The following IGF1R variants were observed in gnomAD, a reference collection of about 807,000 sequenced individuals.
The protein encoded by IGF1R is insulin like growth factor 1 receptor.
A neutral mutation model predicts 144.6 loss-of-function variants in IGF1R; 44 were observed. The ratio of observed to expected loss-of-function variants is 0.30; its 90% confidence interval spans 0.24 to 0.39. IGF1R has a LOEUF of 0.39. Among genes scored for constraint, IGF1R ranks in the 10% least tolerant of loss-of-function variants. IGF1R has a pLI of 1.00. For missense variants in IGF1R, 1,355 were observed against 1,833.7 expected (o/e 0.74, Z 4.77); for synonymous variants, 795 against 722.8 (o/e 1.10, Z -1.60).
At chr15:98,847,307 CT>C (rs2011368944) in intron 2 of IGF1R, among the ~76,000 whole-genome samples, 1 of 152,154 alleles carries the variant, frequency 6.6e-6, no homozygotes, top group South Asian at 2.1e-4. Context: ...AGGGGGGCGT[CT>C]TGGTATAAGT....
At chr15:98,655,688 A>G (rs2052469293) in intron 1 of IGF1R, among the ~76,000 whole-genome samples, 1 of 151,532 alleles carries the variant, frequency 6.6e-6, no homozygotes, top group Non-Finnish European at 1.5e-5. Context: ...CAAGCTTAAA[A>G]TTTTTCTTTT....
At chr15:98,880,007 T>C (rs2013287925) in intron 2 of IGF1R, among the ~76,000 whole-genome samples, 1 of 152,162 alleles carries the variant, frequency 6.6e-6, no homozygotes, top group Non-Finnish European at 1.5e-5. Flanking sequence ...GTATTGGGTT[T>C]TTCTTTGGGG....
chr15:98,740,070 A>C (rs547640915), intron 2 of IGF1R, among the ~76,000 whole-genome samples: 1 of 152,366 alleles, frequency 6.6e-6, no homozygotes, highest in South Asian at 2.1e-4. Flanking sequence ...AATAAATTTC[A>C]GAGCATGCGT....
chr15:98,958,775 C>G lies in IGF1R; in HGVS notation c.*1333C>G. On this transcript the variant is annotated 3_prime_UTR_variant, in exon 21 of 21. Coordinates refer to ENST00000650285, the MANE Select transcript of IGF1R (RefSeq NM_000875.5). ...CTATGAAAACCTTCAGGTCCACCCT[C>G]TCCCCTTTCTGCTCACTCCAAGAAA... 4.3e-6 allele frequency: 1 copy of G among 232,986 alleles called. No individual in the cohort carries two copies. The highest frequency in any genetic ancestry group is 8.5e-6 in the Non-Finnish European group (1 of 117,622). 14.4% of individuals were successfully genotyped at this position (232,986 alleles called of 1,614,324 possible). A position where few individuals can be genotyped will look rare whatever the true frequency, so the allele number is the denominator to read the frequency against.
intron 10 of IGF1R, among the ~76,000 whole-genome samples, chr15:98,918,998 C>T (rs181363324): frequency 6.6e-6 from 1 of 152,280 alleles, no homozygotes; most frequent in Admixed American, 6.5e-5. Context: ...TGAATGTGAA[C>T]CTTGAGGTTC....
At chr15:98,745,155 T>A (rs1009160855) in intron 2 of IGF1R, among the ~76,000 whole-genome samples, 1 of 152,284 alleles carries the variant, frequency 6.6e-6, no homozygotes, top group Non-Finnish European at 1.5e-5. Context: ...AAGTCATGCT[T>A]CTCAAGTAAA....
Position 98,935,179 on chromosome 15 carries a change from A to G in IGF1R, c.3186+126A>G. On this transcript the variant is annotated intron_variant, in intron 16 of 20. Transcript: ENST00000650285. This position sits in a 1 kb window ranked among gnomAD's most constrained non-coding sequence, Gnocchi z 4.2. Reference sequence around the variant, plus strand: ...TCTTGCCTTTGCCTTCTGGATAGTTACCCCATTACCTCACTGCTACCTTCA... The same window carrying G: ...TCTTGCCTTTGCCTTCTGGATAGTTGCCCCATTACCTCACTGCTACCTTCA... 2 of 956,196 alleles carry G rather than the reference A, an allele frequency of 2.1e-6. No homozygotes were observed. Among genetic ancestry groups the G allele is most frequent in the Non-Finnish European group, 3.3e-6 (2 of 604,620 alleles). 59.2% of individuals were successfully genotyped at this position (956,196 alleles called of 1,614,324 possible).
At chr15:98,850,743 G>T (rs890693854) in intron 2 of IGF1R, among the ~76,000 whole-genome samples, 1 of 151,710 alleles carries the variant, frequency 6.6e-6, no homozygotes, top group Non-Finnish European at 1.5e-5. Flanking sequence ...CTTGGCACTT[G>T]GTGGGGGGGG....
chr15:98,742,901 G>C (rs886627341), intron 2 of IGF1R, among the ~76,000 whole-genome samples: 1 of 152,120 alleles, frequency 6.6e-6, no homozygotes, highest in Non-Finnish European at 1.5e-5. Flanking sequence ...GCCAGGCTTG[G>C]TGGTGGGTGC....
chr15:98,733,269 A>G (rs921530552), intron 2 of IGF1R, among the ~76,000 whole-genome samples: 2 of 152,088 alleles, frequency 1.3e-5, no homozygotes, highest in African/African-American at 4.8e-5. Context: ...GCTGGAGTGC[A>G]GTAGAGGCAA....
intron 2 of IGF1R, among the ~76,000 whole-genome samples, chr15:98,784,968 A>G (rs566590027): frequency 1.3e-5 from 2 of 152,274 alleles, no homozygotes; most frequent in Non-Finnish European, 2.9e-5. Context: ...ACATGTCTAG[A>G]TTTTCGACAA....
chr15:98,852,400 A>C (rs941692036), intron 2 of IGF1R, among the ~76,000 whole-genome samples: 2 of 152,136 alleles, frequency 1.3e-5, no homozygotes, highest in African/African-American at 2.4e-5. Context: ...CACTCCGAAT[A>C]ACACGCCAAT....
chr15:98,737,034 C>G (rs1596251300), intron 2 of IGF1R, among the ~76,000 whole-genome samples: 1 of 152,116 alleles, frequency 6.6e-6, no homozygotes. Context: ...CAAAGTCAGT[C>G]GATTTTCTGG....
chr15:98,680,755 A>G (rs745500529), intron 1 of IGF1R, among the ~76,000 whole-genome samples: 3 of 151,966 alleles, frequency 2.0e-5, no homozygotes, highest in Non-Finnish European at 2.9e-5. Context: ...AATTTTTTGT[A>G]GAAATGGAAT....
chr15:98,924,455 A>C, intron 12 of IGF1R, 70 bp from the exon 13 acceptor site: 2 of 1,460,620 alleles, frequency 1.4e-6, no homozygotes, highest in Non-Finnish European at 1.9e-6. Context: ...CAGTGTGGTG[A>C]GTTTAGTTGG....
chr15:98,703,865 CAAGTA>C (rs1264759565), intron 1 of IGF1R, among the ~76,000 whole-genome samples: 1 of 152,202 alleles, frequency 6.6e-6, no homozygotes, highest in African/African-American at 2.4e-5. Flanking sequence ...TTGGAAATAA[CAAGTA>C]AATAGATGCC....
In IGF1R at chr15:98,862,939, T is replaced by C. The variant is rs567738233; in HGVS notation, c.641-28386T>C. On this transcript the variant is annotated intron_variant, in intron 2 of 20. Transcript: ENST00000650285. ...CGTAATACGGTTATCAAAACAGTGT[T>C]CACTCCATACTCCAGTGCTGTTAAT... is the stretch of plus-strand genomic sequence containing the variant. 2.6e-5 allele frequency among the ~76,000 whole-genome samples: 4 copies of C among 152,328 alleles called. No homozygotes were observed. The East Asian group carries it at 7.7e-4, about 29-fold the overall frequency.
At chr15:98,813,761 C>G (rs78802329) in intron 2 of IGF1R, among the ~76,000 whole-genome samples, 1 of 152,350 alleles carries the variant, frequency 6.6e-6, no homozygotes, top group East Asian at 1.9e-4. Flanking sequence ...CGGCCCCAGT[C>G]CATTCCTTAT....
chr15:98,725,435 T>C (rs935842449), intron 2 of IGF1R, among the ~76,000 whole-genome samples: 16 of 152,212 alleles, frequency 1.1e-4, no homozygotes, highest in African/African-American at 3.9e-4. Context: ...TTTTAGAAGA[T>C]CCCTCCTATG....
Sources: allele counts gnomAD v4.1 joint callset (sites outside exome capture counted in the v4.1 genomes callset), GRCh38; gene constraint gnomAD v4.1.1; non-coding constraint Gnocchi (gnomAD v3.1); transcripts MANE v1.5; gene names NCBI Gene and HGNC (gene_info 2026-07-23, HGNC 2026-07-21).